The following ZAN variants were observed in gnomAD, a reference collection of about 807,000 sequenced individuals.
ZAN encodes zonadhesin, also known as zonadhesin (gene/pseudogene).
In ZAN, 260 loss-of-function variants were observed where a neutral mutation model predicts 286.2. The ratio of observed to expected loss-of-function variants is 0.91; its 90% CI spans 0.82 to 1.01. The LOEUF (loss-of-function observed/expected upper bound fraction) is 1.01, where lower values mean the gene tolerates loss of function less well. ZAN is among the 50% of genes least tolerant of loss of function. The pLI is 0.00. For synonymous variants in ZAN, 1,368 were observed against 1,417.5 expected (o/e 0.97, Z 0.79); for missense variants, 3,410 against 3,639.2 (o/e 0.94, Z 1.62).
At position 100,794,213 on chromosome 7, in the gene ZAN, G is replaced by A. The variant is rs1311765375; in HGVS notation, c.8080G>A (p.Gly2694Arg). 6.2e-7 allele frequency: 1 copy of A among 1,613,630 alleles called. No individual in the cohort carries two copies. Among genetic ancestry groups the A allele is most frequent in the Non-Finnish European group, 8.5e-7 (1 of 1,179,716 alleles). ...GTGTGAGCCCTTCAGCTGCAGAGCG[G>A]GGGAGGTCTGCACCCTGGGGAACCA... ...LLCEPFSCRAGEVCTLGNHTQ... is the reference protein window; with the variant it reads ...LLCEPFSCRAREVCTLGNHTQ... The change falls in exon 44 of 48, where the codon GGG becomes AGG. Residue 2694 changes from glycine to arginine, a missense_variant. Physicochemically the swap from Gly to Arg is moderately radical, Grantham distance 125. Coordinates refer to ENST00000613979, the MANE Select transcript of ZAN (RefSeq NM_003386.3).
At position 100,771,922 on chromosome 7, in the gene ZAN, A is replaced by G; in HGVS notation, c.5327A>G (p.Lys1776Arg). The G allele has an allele frequency of 2.5e-6, 4 of 1,612,964 alleles. No homozygotes were observed. The change falls in exon 29 of 48, where the codon AAG (lysine) becomes AGG (arginine). Residue 1776 changes from lysine to arginine, a missense_variant. Lys to Arg is a conservative substitution (Grantham distance 26). Around this residue, in one of 7 missense-constraint regions of ZAN, gnomAD observed 27 missense variants for 58.7 expected, o/e 0.46. Transcript: ENST00000613979. ...ASCVHGQCGT[K>R]GDTTALCRSL... ...TGCGTGCATGGTCAGTGTGGGACCA[A>G]GGGCGACACCACAGCCCTGTGCCGC...
chr7:100,744,872 T>G (rs941626855), intron 7 of ZAN, among the ~76,000 whole-genome samples: 1 of 150,872 alleles, frequency 6.6e-6, no homozygotes, highest in African/African-American at 2.5e-5. Context: ...CTCCTTGGTT[T>G]TTTTTTTGTT....
At position 100,773,883 on chromosome 7, in the gene ZAN, A is replaced by G; in HGVS notation, c.5779+18A>G. ...GGCCTCAGGTAGGAGGACCACGGTG[A>G]TGGGGGGACTCCACAGCCCTGAGGC... On this transcript the variant is annotated intron_variant, in intron 31 of 47. Transcript: ENST00000613979. 6.3e-7 allele frequency: 1 copy of G among 1,591,244 alleles called. No homozygotes were observed.
intron 29 of ZAN, 28 bp from the exon 30 acceptor site, chr7:100,773,257 C>T (rs1810511060): frequency 6.2e-7 from 1 of 1,608,078 alleles, no homozygotes. Flanking sequence ...TGCCACCCCA[C>T]TCTTCCTAAT....
Position 100,734,034 on chromosome 7 carries a change from C to A in ZAN, c.-135C>A. On this transcript the variant is annotated 5_prime_UTR_variant, in exon 2 of 48. The change creates a new upstream start codon in the 5' untranslated region. Transcript: ENST00000613979. Reference sequence around the variant, plus strand: ...ATAATTTTAATTTCCCAGAGCTTTTCTGTGTTTCTCTGTTCATTCTTCATG... The same window carrying A: ...ATAATTTTAATTTCCCAGAGCTTTTATGTGTTTCTCTGTTCATTCTTCATG... 1 of 531,762 alleles carries A rather than the reference C, an allele frequency of 1.9e-6. No homozygotes were observed. Among genetic ancestry groups the A allele is most frequent in the Non-Finnish European group, 3.5e-6 (1 of 284,948 alleles). The allele number at this position is 531,762 out of a possible 1,614,324, so 32.9% of individuals were successfully genotyped here.
chr7:100,778,584 G>C (rs1299836059), intron 34 of ZAN, among the ~76,000 whole-genome samples: 1 of 152,124 alleles, frequency 6.6e-6, no homozygotes, highest in African/African-American at 2.4e-5. Context: ...CTCCAGACTG[G>C]GCGACAGATT....
In ZAN at chr7:100,793,916, C is replaced by G. The variant is rs755946128; in HGVS notation, c.7884C>G (p.Pro2628=). Residue 2628 remains proline, a synonymous_variant, in exon 43 of 48, where the codon CCC becomes CCG. Transcript: ENST00000613979. The stretch of plus-strand genomic sequence containing the variant: ...GCAGACCCCGGGGACTGCGAGGGCC[C>G]CTGCGTGGAAGGCTGCGCCAGCATC... ...QPGRPRGLRG[P]LRGRLRQHPR... The G allele has an allele frequency of 3.1e-6, 5 of 1,613,970 alleles. No homozygotes were observed. In the Admixed American group the frequency reaches 8.3e-5, roughly 27 times the overall value.
At position 100,738,255 on chromosome 7, in the gene ZAN, G is replaced by T. The variant is rs1366248416; in HGVS notation, c.614-206G>T. Among the ~76,000 whole-genome samples, 2 of 140,076 alleles carry T rather than the reference G, an allele frequency of 1.4e-5. 1 individual carries two copies. The highest frequency in any genetic ancestry group is 3.2e-5 in the Non-Finnish European group (2 of 62,742). The allele number at this position is 140,076 out of a possible 152,430, so 91.9% of individuals were successfully genotyped here. Reference sequence around the variant, plus strand: ...TACAGGAGTTAAGTCACCGTGCCAAGAACTTTTTAAAAATTAGCTCGGCAT... The same window carrying T: ...TACAGGAGTTAAGTCACCGTGCCAATAACTTTTTAAAAATTAGCTCGGCAT... On this transcript the variant is annotated intron_variant, in intron 6 of 47. Transcript: ENST00000613979.
chr7:100,750,378 G>A (rs1230729727), intron 11 of ZAN, among the ~76,000 whole-genome samples: 2 of 152,052 alleles, frequency 1.3e-5, no homozygotes, highest in African/African-American at 2.4e-5. Flanking sequence ...CTCGTGATCC[G>A]CCAGCCTCGG....
Position 100,791,978 on chromosome 7 carries a change from G to A in ZAN, c.7542G>A (p.Ala2514=), listed in dbSNP as rs376622260. 53 of 1,612,524 alleles carry A rather than the reference G, an allele frequency of 3.3e-5. No individual in the cohort carries two copies. Among genetic ancestry groups the A allele is most frequent in the South Asian group, 2.5e-4 (23 of 90,860 alleles). ...GTCTCTACTGCAGGGCTATACCAGCGGAGGAGGAGGGACAAGGGGCGGAGC... is the reference window on the plus strand; with the variant it reads ...GTCTCTACTGCAGGGCTATACCAGCAGAGGAGGAGGGACAAGGGGCGGAGC... ...ALLRFPRAIP[A]EEEGQGAELG... Residue 2514 remains alanine, a synonymous_variant, in exon 41 of 48, where the codon GCG becomes GCA. Transcript: ENST00000613979.
intron 37 of ZAN, among the ~76,000 whole-genome samples, chr7:100,787,319 C>T (rs73411152): frequency 0.061 from 9,205 of 151,738 alleles, 870 homozygotes; most frequent in African/African-American, 0.2. Flanking sequence ...GTCCCAGCTA[C>T]TCAGGAGGAT....
In ZAN at chr7:100,745,383, C is replaced by T. The variant is rs111957162; in HGVS notation, c.767-1155C>T. 3.3e-5 allele frequency among the ~76,000 whole-genome samples: 5 copies of T among 151,728 alleles called. 1 individual carries two copies. The highest frequency in any genetic ancestry group is 1.2e-4 in the African/African-American group (5 of 41,206). On this transcript the variant is annotated intron_variant, in intron 7 of 47. Coordinates refer to ENST00000613979, the MANE Select transcript of ZAN (RefSeq NM_003386.3). ...CCTTGGACTCGGGCGTGAGCACGCACGCGAGCGCGCTCCCCACGAGTGGCA... is the reference window on the plus strand; with the variant it reads ...CCTTGGACTCGGGCGTGAGCACGCATGCGAGCGCGCTCCCCACGAGTGGCA...
At chr7:100,779,954 G>T (rs1315000583) in intron 35 of ZAN, among the ~76,000 whole-genome samples, 1 of 152,054 alleles carries the variant, frequency 6.6e-6, no homozygotes, top group Non-Finnish European at 1.5e-5. Flanking sequence ...CAGCACTTGG[G>T]GAGGCCAAGG....
Position 100,750,635 on chromosome 7 carries a change from T to C in ZAN, c.1260T>C (p.Tyr420=). 1.2e-6 allele frequency: 2 copies of C among 1,613,318 alleles called. No homozygotes were observed. Among genetic ancestry groups the C allele is most frequent in the Non-Finnish European group, 8.5e-7 (1 of 1,179,652 alleles). The change falls in exon 12 of 48, where the codon TAT becomes TAC. Residue 420 remains tyrosine (Y), a synonymous_variant. Coordinates refer to ENST00000613979, the MANE Select transcript of ZAN (RefSeq NM_003386.3). The part of the protein sequence containing the change: ...AGGFPNAGGH[Y]IYLEADEFSQ... ...CCTTCCTTTGCCTAGGGGGTCACTA[T>C]ATCTACCTTGAGGCTGACGAGTTCT...
Position 100,792,480 on chromosome 7 carries a change from G to T in ZAN, c.7787+1G>T. On this transcript the variant is annotated splice_donor_variant, in intron 42 of 47. Coordinates refer to ENST00000613979, the MANE Select transcript of ZAN (RefSeq NM_003386.3). LOFTEE classifies it high-confidence loss of function. ...AGCTGCGTTGCCAGGTCCTCAGTGGGTACGCCATCCTCTGCCAGGAGGCGG... is the reference window on the plus strand; with the variant it reads ...AGCTGCGTTGCCAGGTCCTCAGTGGTTACGCCATCCTCTGCCAGGAGGCGG... 1 of 1,613,838 alleles carries T rather than the reference G, an allele frequency of 6.2e-7. No individual in the cohort carries two copies. Among genetic ancestry groups the T allele is most frequent in the Non-Finnish European group, 8.5e-7 (1 of 1,179,852 alleles).
rs552219433 is a variant in ZAN, at chr7:100,750,562, A to G, written c.1250-63A>G. 1.6e-4 allele frequency: 245 copies of G among 1,558,774 alleles called. 1 individual carries two copies. In the African/African-American group the frequency reaches 3.0e-3, roughly 19 times the overall value. On this transcript the variant is annotated intron_variant, in intron 11 of 47. Coordinates refer to ENST00000613979, the MANE Select transcript of ZAN (RefSeq NM_003386.3). Reference sequence around the variant, plus strand: ...CCCGTTCAGAAAGCAAAGCTTTGCTAAAGCAGCAGTTGGCATGTCCTGTGC... The same window carrying G: ...CCCGTTCAGAAAGCAAAGCTTTGCTGAAGCAGCAGTTGGCATGTCCTGTGC...
chr7:100,735,430 G>T (rs1437833408), intron 2 of ZAN, among the ~76,000 whole-genome samples: 1 of 136,628 alleles, frequency 7.3e-6, no homozygotes, highest in Non-Finnish European at 1.6e-5. Flanking sequence ...AGCTGGGCGT[G>T]GTGGCATGCT....
intron 7 of ZAN, among the ~76,000 whole-genome samples, chr7:100,742,138 T>C (rs1451202875): frequency 1.9e-5 from 1 of 51,516 alleles, no homozygotes; most frequent in Non-Finnish European, 3.9e-5. Context: ...GAGGGTCTCC[T>C]CACTTCTCAG....
In ZAN at chr7:100,738,560, G is replaced by A. The variant is rs1807469839; in HGVS notation, c.713G>A (p.Gly238Glu). 3 of 1,516,294 alleles carry A rather than the reference G, an allele frequency of 2.0e-6. No individual in the cohort carries two copies. Among genetic ancestry groups the A allele is most frequent in the African/African-American group, 2.8e-5 (2 of 71,098 alleles). 93.9% of individuals were successfully genotyped at this position (1,516,294 alleles called of 1,614,324 possible). ...ASGAKWTQKK[G>E]SSGKPGVGPD... ...GGGGCCAAGTGGACTCAGAAGAAAG[G>A]GTCATCAGGAAAGCCAGGCGTGGGG... Residue 238 changes from glycine to glutamate, a missense_variant, in exon 7 of 48, where the codon GGG becomes GAG. By Grantham distance (98) the Gly-to-Glu change is moderately conservative (BLOSUM62 -2). Coordinates refer to ENST00000613979, the MANE Select transcript of ZAN (RefSeq NM_003386.3).
Sources: allele counts gnomAD v4.1 joint callset (sites outside exome capture counted in the v4.1 genomes callset), GRCh38; gene constraint gnomAD v4.1.1; regional missense constraint gnomAD v4.1.1; transcripts MANE v1.5; gene names NCBI Gene and HGNC (gene_info 2026-07-23, HGNC 2026-07-21).